ACAP2: variants seen among roughly 807,000 people sequenced by gnomAD.
The protein encoded by ACAP2 is arf-GAP with coiled-coil, ANK repeat and PH domain-containing protein 2.
In ACAP2, 39 loss-of-function variants were observed where a neutral mutation model predicts 115.8. The observed-to-expected ratio is 0.34, with a 90% CI of 0.26 to 0.44. The LOEUF (loss-of-function observed/expected upper bound fraction) is 0.44. ACAP2 is among the 20% of genes least tolerant of loss of function. The pLI, the probability that ACAP2 is intolerant of heterozygous loss-of-function variation, is 1.00. For missense variants in ACAP2, 662 were observed against 927.6 expected (o/e 0.71, Z 3.72); for synonymous variants, 289 against 315.8 (o/e 0.92, Z 0.90).
intron 4 of ACAP2, among the ~76,000 whole-genome samples, chr3:195,350,234 T>C (rs897241929): frequency 1.3e-5 from 2 of 152,190 alleles, no homozygotes; most frequent in Non-Finnish European, 2.9e-5. Flanking sequence ...CTAAAAGTTA[T>C]ATGAAAACAT....
intron 1 of ACAP2, 33 bp downstream of exon 1, chr3:195,442,762 T>G: frequency 6.5e-7 from 1 of 1,526,884 alleles, no homozygotes; most frequent in Middle Eastern, 1.7e-4. Flanking sequence ...GGAAGGCAGC[T>G]CCGCGGTGAC....
At chr3:195,389,456 T>C (rs1734512093) in intron 2 of ACAP2, among the ~76,000 whole-genome samples, 1 of 152,204 alleles carries the variant, frequency 6.6e-6, no homozygotes, top group African/African-American at 2.4e-5. Flanking sequence ...TCTTATTTCA[T>C]GTATATAATA....
chr3:195,292,139 A>C, intron 19 of ACAP2, 126 bp downstream of exon 19: 1 of 1,197,290 alleles, frequency 8.4e-7, no homozygotes, highest in South Asian at 1.9e-5. Flanking sequence ...TTAATAGCAC[A>C]GAGGTTCCTT....
At chr3:195,373,410 AT>A (rs1733311046) in intron 4 of ACAP2, among the ~76,000 whole-genome samples, 2 of 105,266 alleles carry the variant, frequency 1.9e-5, no homozygotes, top group African/African-American at 3.1e-5. Flanking sequence ...AAGAAATACT[AT>A]GAGAATATCA....
intron 1 of ACAP2, among the ~76,000 whole-genome samples, chr3:195,409,462 G>T (rs747199003): frequency 1.3e-5 from 2 of 151,898 alleles, no homozygotes; most frequent in Non-Finnish European, 2.9e-5. Flanking sequence ...ATAAACAAAT[G>T]GAAACATATC....
At chr3:195,321,840 T>G (rs1729476288) in intron 9 of ACAP2, among the ~76,000 whole-genome samples, 1 of 152,114 alleles carries the variant, frequency 6.6e-6, no homozygotes, top group East Asian at 1.9e-4. Flanking sequence ...CTCAAACTCC[T>G]GACTTCAAGT....
chr3:195,328,281 A>C (rs1463943526), intron 8 of ACAP2, among the ~76,000 whole-genome samples: 1 of 152,234 alleles, frequency 6.6e-6, no homozygotes, highest in African/African-American at 2.4e-5. Context: ...ACACATTTTA[A>C]GTTATATTTT....
chr3:195,340,714 G>A (rs144377525), intron 6 of ACAP2, among the ~76,000 whole-genome samples: 2 of 152,126 alleles, frequency 1.3e-5, no homozygotes, highest in Non-Finnish European at 2.9e-5. Context: ...ACTGAAATAC[G>A]TCTAGTGAAT....
intron 4 of ACAP2, among the ~76,000 whole-genome samples, chr3:195,369,363 C>A (rs542381774): frequency 6.6e-6 from 1 of 152,124 alleles, no homozygotes; most frequent in Non-Finnish European, 1.5e-5. Context: ...TGTTTCATCA[C>A]CCAGGTAACA....
intron 4 of ACAP2, among the ~76,000 whole-genome samples, chr3:195,364,344 C>A (rs549845692): frequency 2.0e-5 from 3 of 152,210 alleles, no homozygotes; most frequent in Admixed American, 2.0e-4. Flanking sequence ...AAAAGGCACC[C>A]AACATCAATG....
chr3:195,295,826 T>C lies in ACAP2; in HGVS notation c.1554A>G (p.Ile518Met). The C allele has an allele frequency of 6.2e-7, 1 of 1,614,042 alleles. No homozygotes were observed. Among genetic ancestry groups the C allele is most frequent in the Non-Finnish European group, 8.5e-7 (1 of 1,179,976 alleles). ...VERKFVDKYS[I>M]SLSPPEQQKK... ...TTTGCTGCTCAGGAGGTGATAATGATATAGAATATTTATCCACAAATTTCC... is the reference window on the plus strand; with the variant it reads ...TTTGCTGCTCAGGAGGTGATAATGACATAGAATATTTATCCACAAATTTCC... Residue 518 changes from isoleucine (I) to methionine (M), a missense_variant, in exon 17 of 23, where the codon ATA becomes ATG. Coordinates refer to ENST00000326793, the MANE Select transcript of ACAP2 (RefSeq NM_012287.6).
intron 1 of ACAP2, among the ~76,000 whole-genome samples, chr3:195,417,651 C>G (rs1412304037): frequency 6.6e-6 from 1 of 152,060 alleles, no homozygotes; most frequent in East Asian, 1.9e-4. Flanking sequence ...TAAATATGAT[C>G]AAGAAACTGT....
chr3:195,371,728 CT>C (rs968629242), intron 4 of ACAP2, among the ~76,000 whole-genome samples: 9 of 152,192 alleles, frequency 5.9e-5, no homozygotes, highest in Non-Finnish European at 1.3e-4. Context: ...TCTTGGCTCA[CT>C]GCAACCTCCA....
intron 20 of ACAP2, among the ~76,000 whole-genome samples, chr3:195,290,846 A>G (rs561606433): frequency 3.2e-5 from 4 of 126,840 alleles, no homozygotes; most frequent in African/African-American, 1.3e-4. Flanking sequence ...ATAAATAAAT[A>G]AATAATAAAT....
At chr3:195,372,987 C>CAAAAAA (rs869134113) in intron 4 of ACAP2, among the ~76,000 whole-genome samples, 22 of 17,664 alleles carry the variant, frequency 1.2e-3, no homozygotes, top group Admixed American at 2.1e-3. Context: ...GACTCCATCT[C>CAAAAAA]AAAAAAAAAA....
chr3:195,306,765 C>A, intron 12 of ACAP2, 149 bp from the exon 13 acceptor site: 2 of 524,504 alleles, frequency 3.8e-6, no homozygotes, highest in Admixed American at 3.9e-5. Flanking sequence ...TTTCATGTAT[C>A]TTTAGGGCAA....
intron 1 of ACAP2, among the ~76,000 whole-genome samples, chr3:195,430,521 C>G (rs1445541598): frequency 6.6e-6 from 1 of 152,036 alleles, no homozygotes; most frequent in Non-Finnish European, 1.5e-5. Flanking sequence ...CGAGACCATA[C>G]CTGGCCAACA....
chr3:195,344,388 A>G (rs1731063448), intron 5 of ACAP2, among the ~76,000 whole-genome samples: 1 of 152,220 alleles, frequency 6.6e-6, no homozygotes, highest in South Asian at 2.1e-4. Flanking sequence ...GAATCAAAAG[A>G]GAAAAACCTG....
chr3:195,307,426 C>A, intron 11 of ACAP2, 103 bp from the exon 12 acceptor site: 2 of 688,748 alleles, frequency 2.9e-6, no homozygotes, highest in Non-Finnish European at 4.9e-6. Flanking sequence ...GTCTAATTTT[C>A]AAGATTTATA....
Sources: allele counts gnomAD v4.1 joint callset (sites outside exome capture counted in the v4.1 genomes callset), GRCh38; gene constraint gnomAD v4.1.1; transcripts MANE v1.5; gene names NCBI Gene and HGNC (gene_info 2026-07-23, HGNC 2026-07-21).